The following BRCA1 variants were observed in gnomAD, a reference collection of about 807,000 sequenced individuals.
The protein encoded by BRCA1 is breast cancer type 1 susceptibility protein.
BRCA1 carries 140 observed loss-of-function variants against 173.7 expected under a neutral mutation model. That is an observed-to-expected ratio of 0.81 (90% CI 0.70 to 0.93). The LOEUF is 0.93. BRCA1 is among the 40% of genes least tolerant of loss of function. The pLI is 0.00. For synonymous variants in BRCA1, 662 were observed against 756.0 expected (o/e 0.88, Z 2.04); for missense variants, 1,983 against 2,172.5 (o/e 0.91, Z 1.73).
intron 1 of BRCA1, among the ~76,000 whole-genome samples, chr17:43,146,007 C>T (rs1198307063): frequency 6.6e-6 from 1 of 152,062 alleles, no homozygotes; most frequent in Non-Finnish European, 1.5e-5. Flanking sequence ...AAAACAACTC[C>T]TTGATTATGG....
At chr17:43,075,291 A>T (rs2052660523) in intron 13 of BRCA1, among the ~76,000 whole-genome samples, 1 of 152,222 alleles carries the variant, frequency 6.6e-6, no homozygotes. Flanking sequence ...TCACAGAATC[A>T]TCCCTATTGC....
Position 43,048,940 on chromosome 17 carries a change from A to G in BRCA1, c.5406+181T>C, listed in dbSNP as rs562848044. Among the ~76,000 whole-genome samples the G allele has an allele frequency of 5.3e-5, 8 of 152,210 alleles. No homozygotes were observed. In the South Asian group the frequency reaches 1.7e-3, roughly 32 times the overall value. On this transcript the variant is annotated intron_variant, in intron 21 of 22. Coordinates refer to ENST00000357654, the MANE Select transcript of BRCA1 (RefSeq NM_007294.4). ...AAAAAGTCTTCCCTCAGTATATTTA[A>G]TATGTGCAGTTCTCAAATCCTTACC...
At chr17:43,080,494 G>A (rs905942364) in intron 12 of BRCA1, among the ~76,000 whole-genome samples, 2 of 151,608 alleles carry the variant, frequency 1.3e-5, no homozygotes, top group Admixed American at 6.6e-5. Flanking sequence ...ACCGTACCCG[G>A]CAACAATATT....
chr17:43,116,832 G>A (rs982089709), intron 2 of BRCA1, among the ~76,000 whole-genome samples: 2 of 151,982 alleles, frequency 1.3e-5, no homozygotes, highest in Non-Finnish European at 2.9e-5. Flanking sequence ...AGTGTCTTCT[G>A]ATCTATAGGT....
At chr17:43,138,324 TTTC>T in intron 1 of BRCA1, 1 of 403,846 alleles carries the variant, frequency 2.5e-6, no homozygotes, top group Non-Finnish European at 4.6e-6. Context: ...ACCGCTCAGC[TTTC>T]ATTCCAGTGA....
At chr17:43,069,499 T>G (rs1206621642) in intron 15 of BRCA1, among the ~76,000 whole-genome samples, 1 of 152,150 alleles carries the variant, frequency 6.6e-6, no homozygotes, top group Non-Finnish European at 1.5e-5. Context: ...AAAGCTGAAC[T>G]TGCAAAACAA....
upstream of BRCA1, among the ~76,000 whole-genome samples, chr17:43,130,230 G>A (rs2055954068): frequency 6.6e-6 from 1 of 152,076 alleles, no homozygotes; most frequent in African/African-American, 2.4e-5. Context: ...TGCCCAGGCT[G>A]GTCTTCAACT....
rs879254223 is a variant in BRCA1 at position 43,099,805 on chromosome 17, GT to G, written c.516del (p.Gln172HisfsTer62). Reference protein sequence around the residue: ...VRTLRTKQRIQPQKTSVYIEL... With the variant: ...VRTLRTKQRIXPQKTSVYIEL... ...TCAATGTAGACAGACGTCTTTTGAGGTTGTATCCGCTGCTTTGTCCTCAGAG... is the reference window on the plus strand; with the variant it reads ...TCAATGTAGACAGACGTCTTTTGAGGTGTATCCGCTGCTTTGTCCTCAGAG... On this transcript the variant is annotated frameshift_variant, in exon 7 of 23. Transcript: ENST00000357654. LOFTEE classifies it high-confidence loss of function. 1 of 1,613,036 alleles carries G rather than the reference GT, an allele frequency of 6.2e-7. No homozygotes were observed. The highest frequency in any genetic ancestry group is 1.1e-5 in the South Asian group (1 of 91,050).
chr17:43,121,288 T>C (rs1309826153), intron 2 of BRCA1, among the ~76,000 whole-genome samples: 3 of 148,004 alleles, frequency 2.0e-5, no homozygotes, highest in African/African-American at 7.6e-5. Context: ...GGCAGGAGAA[T>C]GGCCTGAACC....
chr17:43,106,132 A>G (rs1003450728), intron 4 of BRCA1, among the ~76,000 whole-genome samples: 2 of 151,808 alleles, frequency 1.3e-5, no homozygotes, highest in East Asian at 1.9e-4. Context: ...AAAAAAAAAA[A>G]AAAGAAAAGG....
intron 1 of BRCA1, among the ~76,000 whole-genome samples, chr17:43,157,995 CAAAAA>C (rs557006036): frequency 1.5e-5 from 1 of 65,948 alleles, no homozygotes. Flanking sequence ...AACTCTGTCT[CAAAAA>C]AAAAAAAAAA....
rs144110800 is a variant in BRCA1 at position 43,087,898 on chromosome 17, A to AT, written c.4185+3045dup. On this transcript the variant is annotated intron_variant, in intron 11 of 22. Transcript: ENST00000357654. ...AGGTGTGCACCACTAAGCCTCACTA[A>AT]TTTTTTTTTTTTTCCCAGACAGGGG... is the stretch of plus-strand genomic sequence containing the variant. Among the ~76,000 whole-genome samples the AT allele has an allele frequency of 9.3e-3, 1,357 of 145,304 alleles. 19 individuals carry two copies. The highest frequency in any genetic ancestry group is 0.032 in the African/African-American group (1,252 of 39,680).
At chr17:43,152,340 G>A (rs1047142632) in intron 1 of BRCA1, among the ~76,000 whole-genome samples, 1 of 152,204 alleles carries the variant, frequency 6.6e-6, no homozygotes, top group African/African-American at 2.4e-5. Context: ...ACCTACAAGT[G>A]GAGGGTAGAA....
intron 1 of BRCA1, among the ~76,000 whole-genome samples, chr17:43,134,324 C>T (rs2055997887): frequency 6.6e-6 from 1 of 152,142 alleles, no homozygotes; most frequent in Non-Finnish European, 1.5e-5. Flanking sequence ...GGTAGACAAG[C>T]CTGCAGACCT....
intron 1 of BRCA1, among the ~76,000 whole-genome samples, chr17:43,133,480 C>A (rs959127131): frequency 6.6e-6 from 1 of 152,072 alleles, no homozygotes; most frequent in African/African-American, 2.4e-5. Flanking sequence ...TTGAATAACT[C>A]TGGGTAGTGC....
intron 15 of BRCA1, among the ~76,000 whole-genome samples, chr17:43,069,765 T>C (rs2052303591): frequency 6.6e-6 from 1 of 152,178 alleles, no homozygotes; most frequent in Non-Finnish European, 1.5e-5. Flanking sequence ...GCTAAGTAAC[T>C]ACCTATGGAG....
At chr17:43,055,203 T>C (rs1241705577) in intron 19 of BRCA1, among the ~76,000 whole-genome samples, 1 of 152,162 alleles carries the variant, frequency 6.6e-6, no homozygotes, top group Non-Finnish European at 1.5e-5. Context: ...GAAGTCAGAG[T>C]TCTGGCTAAG....
chr17:43,106,666 G>T (rs2054806021), intron 3 of BRCA1, 133 bp from the exon 4 acceptor site: 1 of 667,634 alleles, frequency 1.5e-6, no homozygotes. Flanking sequence ...AATGGCAGGT[G>T]AATTACAAGC....
intron 1 of BRCA1, among the ~76,000 whole-genome samples, chr17:43,131,798 T>A (rs913461253): frequency 2.6e-5 from 4 of 152,110 alleles, no homozygotes; most frequent in Admixed American, 6.6e-5. Context: ...TTTCTTTTTG[T>A]TTTGGGACAG....
Sources: gnomAD v4.1 joint callset for allele counts (sites outside exome capture counted in the v4.1 genomes callset) on GRCh38, gnomAD v4.1.1 for gene constraint, MANE v1.5 for transcripts, NCBI Gene and HGNC (gene_info 2026-07-23, HGNC 2026-07-21) for gene names.